The following GOLGA8B variants were observed in gnomAD, a reference collection of about 807,000 sequenced individuals.
GOLGA8B encodes golgin A8 family member B, also known as golgin subfamily A member 8B.
GOLGA8B carries 1 observed loss-of-function variant against 15.6 expected under a neutral mutation model. The ratio of observed to expected loss-of-function variants is 0.06; its 90% CI spans 0.02 to 0.30. The LOEUF (loss-of-function observed/expected upper bound fraction) is 0.30, where lower values mean the gene tolerates loss of function less well. Among genes scored for constraint, GOLGA8B ranks in the 10% least tolerant of loss-of-function variants. The pLI is 1.00. For missense variants in GOLGA8B, 17 were observed against 201.3 expected (o/e 0.08, Z 5.54); for synonymous variants, 9 against 80.3 (o/e 0.11, Z 4.75).
chr15:34,581,958 G>C (rs1365318069), intron 1 of GOLGA8B, among the ~76,000 whole-genome samples: 9 of 152,158 alleles, frequency 5.9e-5, no homozygotes, highest in Non-Finnish European at 2.9e-5. Context: ...GCACACAGCT[G>C]CAAGGTCCAG....
At chr15:34,563,860 C>G (rs78589417) in intron 1 of GOLGA8B, among the ~76,000 whole-genome samples, 12,448 of 143,166 alleles carry the variant, frequency 0.087, 481 homozygotes, top group South Asian at 0.21. Context: ...TGTTAGAATG[C>G]ATATGGTAGT....
At chr15:34,583,064 A>G (rs1016694572) in intron 1 of GOLGA8B, among the ~76,000 whole-genome samples, 2 of 152,194 alleles carry the variant, frequency 1.3e-5, no homozygotes, top group Non-Finnish European at 2.9e-5. Context: ...AAGCGAACCC[A>G]GAGGCGACCC....
chr15:34,569,617 A>AT (rs1454973673), intron 1 of GOLGA8B, among the ~76,000 whole-genome samples: 1 of 151,912 alleles, frequency 6.6e-6, no homozygotes, highest in Non-Finnish European at 1.5e-5. Context: ...AGATGAGAAA[A>AT]TGATGCCCAT....
chr15:34,572,964 A>C (rs1045304393), intron 1 of GOLGA8B, among the ~76,000 whole-genome samples: 11 of 152,320 alleles, frequency 7.2e-5, no homozygotes, highest in Middle Eastern at 3.4e-3. Context: ...AAACAGAGAC[A>C]TCAAGCCAGG....
chr15:34,575,620 G>A (rs1408744996), intron 1 of GOLGA8B, among the ~76,000 whole-genome samples: 4 of 151,978 alleles, frequency 2.6e-5, no homozygotes, highest in Non-Finnish European at 1.5e-5. Flanking sequence ...TATGCCCAGG[G>A]TGCCACACTC....
At chr15:34,567,396 G>C (rs1159188720) in intron 1 of GOLGA8B, among the ~76,000 whole-genome samples, 4 of 126,396 alleles carry the variant, frequency 3.2e-5, no homozygotes, top group African/African-American at 1.1e-4. Context: ...TGGCTGGCCT[G>C]TCTGACATTT....
chr15:34,576,891 G>A (rs1302645043), intron 1 of GOLGA8B, among the ~76,000 whole-genome samples: 1 of 152,120 alleles, frequency 6.6e-6, no homozygotes, highest in East Asian at 1.9e-4. Context: ...TCCTAACCCT[G>A]GTGACTGCAC....
intron 1 of GOLGA8B, chr15:34,581,468 T>C (rs77948325): frequency 6.6e-6 from 1 of 152,346 alleles, no homozygotes; most frequent in African/African-American, 2.4e-5. Context: ...ACAATTACCT[T>C]TTACTTTTAT....
chr15:34,580,644 G>A (rs1202909161), intron 1 of GOLGA8B, among the ~76,000 whole-genome samples: 2 of 152,114 alleles, frequency 1.3e-5, no homozygotes, highest in Non-Finnish European at 2.9e-5. Context: ...AGGCTGCTCT[G>A]AGACATGAGC....
intron 1 of GOLGA8B, among the ~76,000 whole-genome samples, chr15:34,563,450 G>A (rs1444559868): frequency 6.7e-6 from 1 of 148,234 alleles, no homozygotes; most frequent in African/African-American, 2.5e-5. Flanking sequence ...CCTTGTTATC[G>A]GTATCCCCCT....
chr15:34,578,755 G>C (rs1889149106), intron 1 of GOLGA8B, among the ~76,000 whole-genome samples: 1 of 152,186 alleles, frequency 6.6e-6, no homozygotes, highest in Non-Finnish European at 1.5e-5. Context: ...AAATGTTGGA[G>C]TGTTTCCGTT....
rs1231132244 is a variant in GOLGA8B at position 34,577,504 on chromosome 15, TCATACACA to T, written c.-1123+6004_-1123+6011del. ...CCAACCAAATGAAAAAAATTATATA[TCATACACA>T]CACACACACACACACACACACACAC... On this transcript the variant is annotated intron_variant, in intron 1 of 23. Coordinates refer to ENST00000683415, the MANE Select transcript of GOLGA8B (RefSeq NM_001023567.5). Among the ~76,000 whole-genome samples, 422 of 100,682 alleles carry T rather than the reference TCATACACA, an allele frequency of 4.2e-3. 1 individual carries two copies. The highest frequency in any genetic ancestry group is 0.011 in the Middle Eastern group (2 of 184). 66.1% of individuals were successfully genotyped at this position (100,682 alleles called of 152,430 possible).
intron 22 of GOLGA8B, 47 bp downstream of exon 22, chr15:34,528,136 CCACCCA>C: frequency 2.3e-6 from 1 of 440,614 alleles, no homozygotes; most frequent in South Asian, 2.3e-5. Flanking sequence ...CATGCCCACC[CCACCCA>C]CACCCCCACC....
intron 1 of GOLGA8B, among the ~76,000 whole-genome samples, chr15:34,563,983 G>A (rs956371587): frequency 7.4e-6 from 1 of 135,160 alleles, no homozygotes; most frequent in African/African-American, 2.6e-5. Context: ...GACTTGGGAA[G>A]CTTACATGTT....
chr15:34,576,756 G>A lies in GOLGA8B; in HGVS notation c.-1123+6760C>T, dbSNP rs548359687. On this transcript the variant is annotated intron_variant, in intron 1 of 23. Transcript: ENST00000683415. ...CAGGTGGGAAGTGCAGGGACCTGTG[G>A]CCAAAATCGGTCCATTCATCACTCA... Among the ~76,000 whole-genome samples the A allele has an allele frequency of 5.9e-5, 9 of 152,304 alleles. No homozygotes were observed. The South Asian group carries it at 1.9e-3, about 32-fold the overall frequency.
At chr15:34,581,536 C>T (rs1889235026) in intron 1 of GOLGA8B, 2 of 152,128 alleles carry the variant, frequency 1.3e-5, no homozygotes, top group African/African-American at 4.8e-5. Context: ...ATTTCACAAT[C>T]CATCCCCACC....
intron 1 of GOLGA8B, among the ~76,000 whole-genome samples, chr15:34,579,991 G>A (rs1051916778): frequency 3.3e-5 from 5 of 152,166 alleles, no homozygotes; most frequent in Admixed American, 1.3e-4. Flanking sequence ...GGGAAGTAAC[G>A]CTAATTTATG....
chr15:34,554,333 T>G (rs1450401913), intron 1 of GOLGA8B, among the ~76,000 whole-genome samples: 1 of 152,272 alleles, frequency 6.6e-6, no homozygotes, highest in Non-Finnish European at 1.5e-5. Flanking sequence ...TCACCTGCAG[T>G]GCACATGTGT....
intron 1 of GOLGA8B, among the ~76,000 whole-genome samples, chr15:34,571,183 A>G (rs957279236): frequency 1.3e-5 from 2 of 152,090 alleles, no homozygotes; most frequent in African/African-American, 4.8e-5. Flanking sequence ...AAAATTAGCC[A>G]GGCGTGGTGG....
Sources: allele counts gnomAD v4.1 joint callset (sites outside exome capture counted in the v4.1 genomes callset), GRCh38; gene constraint gnomAD v4.1.1; transcripts MANE v1.5; gene names NCBI Gene and HGNC (gene_info 2026-07-23, HGNC 2026-07-21).